LMX1B: variants seen among roughly 807,000 people sequenced by gnomAD.
LMX1B encodes LIM homeobox transcription factor 1-beta.
LMX1B carries 12 observed loss-of-function variants against 51.4 expected under a neutral mutation model. The observed-to-expected ratio is 0.23, with a 90% CI of 0.15 to 0.38. The LOEUF (loss-of-function observed/expected upper bound fraction) is 0.38, where lower values mean the gene tolerates loss of function less well. Ranked by LOEUF, LMX1B falls within the 10% of genes least tolerant of loss-of-function variation. LMX1B has a pLI of 1.00. For missense variants in LMX1B, 445 were observed against 571.1 expected, an observed-to-expected ratio of 0.78 and a Z score of 2.25; for synonymous variants, 237 against 235.4, an observed-to-expected ratio of 1.01 and a Z score of -0.06.
At chr9:126,619,522 G>A (rs1223434867) in intron 2 of LMX1B, among the ~76,000 whole-genome samples, 1 of 152,220 alleles carries the variant, frequency 6.6e-6, no homozygotes, top group East Asian at 1.9e-4. Flanking sequence ...AACTGCTTGG[G>A]AGGAGGAGCC....
At chr9:126,694,685 G>A (rs945733905) in intron 6 of LMX1B, among the ~76,000 whole-genome samples, 1 of 152,154 alleles carries the variant, frequency 6.6e-6, no homozygotes, top group African/African-American at 2.4e-5. Flanking sequence ...CAGGGCACTG[G>A]GGGCCAGGCC....
intron 2 of LMX1B, among the ~76,000 whole-genome samples, chr9:126,679,845 C>T (rs926400110): frequency 2.0e-5 from 3 of 152,188 alleles, no homozygotes; most frequent in Non-Finnish European, 4.4e-5. Context: ...TGGCCTCAGA[C>T]ACACACATTC....
At position 126,673,766 on chromosome 9, in the gene LMX1B, T is replaced by C. The variant is rs1376512818; in HGVS notation, c.327-17070T>C. On this transcript the variant is annotated intron_variant, in intron 2 of 7. Transcript: ENST00000373474. The surrounding 1 kb of genome is among the most constrained non-coding windows in gnomAD (Gnocchi z 4.4). Reference sequence around the variant, plus strand: ...GGGAGATGAGCATTTAGGAATCTGCTTGTGCAGGGGTGGTGGGAGGGGCCG... The same window carrying C: ...GGGAGATGAGCATTTAGGAATCTGCCTGTGCAGGGGTGGTGGGAGGGGCCG... 6.6e-6 allele frequency among the ~76,000 whole-genome samples: 1 copy of C among 152,096 alleles called. No homozygotes were observed. Among genetic ancestry groups the C allele is most frequent in the Non-Finnish European group, 1.5e-5 (1 of 67,988 alleles).
At chr9:126,619,391 T>C (rs551442208) in intron 2 of LMX1B, among the ~76,000 whole-genome samples, 96 of 152,260 alleles carry the variant, frequency 6.3e-4, no homozygotes, top group Non-Finnish European at 1.3e-3. Context: ...AGGCCTCCCA[T>C]AGGCCCTCCT....
Position 126,696,227 on chromosome 9 carries a change from G to A in LMX1B, c.1052-67G>A, listed in dbSNP as rs987408509. 3 of 1,486,742 alleles carry A rather than the reference G, an allele frequency of 2.0e-6. No homozygotes were observed. In the African/African-American group the frequency reaches 4.2e-5, roughly 21 times the overall value. 92.1% of individuals were successfully genotyped at this position (1,486,742 alleles called of 1,614,324 possible). ...CTGGCCTCCAGTCACACAGCCTACA[G>A]GGCAAACAGGGGGCCCCCAGGAGCC... On this transcript the variant is annotated intron_variant, in intron 7 of 7. Transcript: ENST00000373474.
At chr9:126,689,403 G>A (rs943380871) in intron 2 of LMX1B, among the ~76,000 whole-genome samples, 1 of 152,254 alleles carries the variant, frequency 6.6e-6, no homozygotes, top group South Asian at 2.1e-4. Context: ...ATCTGTGCCC[G>A]TGATGGTGGG....
rs768232732 is a variant in LMX1B, at chr9:126,693,343, C to T, written c.741+20C>T. 9.5e-6 allele frequency: 15 copies of T among 1,580,894 alleles called. No individual in the cohort carries two copies. The highest frequency in any genetic ancestry group is 1.4e-5 in the African/African-American group (1 of 73,908). On this transcript the variant is annotated intron_variant, in intron 4 of 7. Coordinates refer to ENST00000373474, the MANE Select transcript of LMX1B (RefSeq NM_001174147.2). ...CGAAAGGTGAGGGGCGGCCGGGGGG[C>T]GGGGCTCAGGCTGATGCCCGCACAC...
At chr9:126,656,382 T>TAGA (rs1836115141) in intron 2 of LMX1B, among the ~76,000 whole-genome samples, 1 of 130,336 alleles carries the variant, frequency 7.7e-6, no homozygotes, top group African/African-American at 2.9e-5. Flanking sequence ...AGATCTGGTC[T>TAGA]TTAGATAGAT....
At chr9:126,624,000 G>T (rs1194191258) in intron 2 of LMX1B, among the ~76,000 whole-genome samples, 1 of 152,250 alleles carries the variant, frequency 6.6e-6, no homozygotes, top group Non-Finnish European at 1.5e-5. Flanking sequence ...CGAGCCGCGG[G>T]CACCAGCGGC....
intron 2 of LMX1B, among the ~76,000 whole-genome samples, chr9:126,678,622 G>A (rs956834780): frequency 1.1e-4 from 17 of 152,154 alleles, no homozygotes; most frequent in African/African-American, 3.9e-4. Context: ...GGAAAATTTA[G>A]CTTGGTAAAA....
intron 2 of LMX1B, among the ~76,000 whole-genome samples, chr9:126,635,053 G>A (rs143074734): frequency 9.8e-5 from 15 of 152,344 alleles, no homozygotes; most frequent in African/African-American, 3.1e-4. Context: ...CCAGGCACAA[G>A]CGCCATATGA....
chr9:126,646,711 C>T (rs1001930677), intron 2 of LMX1B, among the ~76,000 whole-genome samples: 3 of 152,218 alleles, frequency 2.0e-5, no homozygotes, highest in African/African-American at 7.2e-5. Context: ...CAGAACCAGA[C>T]TCTTGGTCCA....
At chr9:126,659,056 C>T (rs1351114727) in intron 2 of LMX1B, among the ~76,000 whole-genome samples, 1 of 152,224 alleles carries the variant, frequency 6.6e-6, no homozygotes, top group Non-Finnish European at 1.5e-5. Flanking sequence ...CATGCACGCA[C>T]AGAGAGGCAT....
chr9:126,617,954 A>G (rs960067949), intron 2 of LMX1B, among the ~76,000 whole-genome samples: 2 of 151,938 alleles, frequency 1.3e-5, no homozygotes, highest in African/African-American at 4.8e-5. Context: ...ACAAATAGCC[A>G]GTGAGTCGTT....
intron 2 of LMX1B, among the ~76,000 whole-genome samples, chr9:126,669,970 G>T (rs1041380681): frequency 6.6e-6 from 1 of 152,194 alleles, no homozygotes; most frequent in Non-Finnish European, 1.5e-5. Flanking sequence ...GAGGCTGAGG[G>T]CAGGGCTCCT....
intron 2 of LMX1B, among the ~76,000 whole-genome samples, chr9:126,622,387 C>T (rs1371841065): frequency 6.6e-6 from 1 of 152,170 alleles, no homozygotes; most frequent in Admixed American, 6.5e-5. Flanking sequence ...TTGTGACGGC[C>T]ACCCAGAGCA....
intron 2 of LMX1B, among the ~76,000 whole-genome samples, chr9:126,636,264 T>C (rs1835711623): frequency 6.6e-6 from 1 of 151,954 alleles, no homozygotes; most frequent in Admixed American, 6.6e-5. Context: ...ACACAGGGCA[T>C]TGTGGTCCCA....
rs1274079558 is a variant in LMX1B at position 126,652,298 on chromosome 9, G to GGC, written c.326+36730_326+36731insCG. ...GCAGCAGGAGTCTGAGGAGGAGAAG[G>GGC]GGGGGGGGATTTTCTCTTTCTTCCC... On this transcript the variant is annotated intron_variant, in intron 2 of 7. Coordinates refer to ENST00000373474, the MANE Select transcript of LMX1B (RefSeq NM_001174147.2). 5.4e-5 allele frequency among the ~76,000 whole-genome samples: 8 copies of GGC among 149,156 alleles called. No homozygotes were observed. The South Asian group carries it at 1.3e-3, about 25-fold the overall frequency.
At chr9:126,691,657 C>A (rs1359820443) in intron 3 of LMX1B, among the ~76,000 whole-genome samples, 1 of 152,172 alleles carries the variant, frequency 6.6e-6, no homozygotes, top group Non-Finnish European at 1.5e-5. Context: ...CAACCCGCAG[C>A]CCAGCTCCAC....
Sources: gnomAD v4.1 joint callset for allele counts (sites outside exome capture counted in the v4.1 genomes callset) on GRCh38, gnomAD v4.1.1 for gene constraint, Gnocchi (gnomAD v3.1) non-coding constraint, MANE v1.5 for transcripts, NCBI Gene and HGNC (gene_info 2026-07-23, HGNC 2026-07-21) for gene names.